NRXN3: variants seen among roughly 807,000 people sequenced by gnomAD.
NRXN3 encodes the protein neurexin 3, also known as neurexin III.
NRXN3 carries 32 observed loss-of-function variants against 137.6 expected under a neutral mutation model. The observed-to-expected ratio is 0.23, with a 90% confidence interval of 0.18 to 0.31. NRXN3 has a LOEUF of 0.31. NRXN3 is among the 10% of genes least tolerant of loss of function. The pLI, the probability that NRXN3 is intolerant of heterozygous loss-of-function variation, is 1.00. For missense variants in NRXN3, 1,574 were observed against 2,062.5 expected, an observed-to-expected ratio of 0.76 and a Z score of 4.59; for synonymous variants, 798 against 784.5, an observed-to-expected ratio of 1.02 and a Z score of -0.29.
chr14:79,693,068 G>C lies in NRXN3; in HGVS notation c.3706+806G>C, dbSNP rs539631456. ...ACAACAACCACTGTTAATAAAAGAG[G>C]GCAGCGGTTATAACTGATGTTAGAA... On this transcript the variant is annotated intron_variant, in intron 18 of 20. Transcript: ENST00000335750. 6.6e-5 allele frequency among the ~76,000 whole-genome samples: 10 copies of C among 152,092 alleles called. No homozygotes were observed. The East Asian group carries it at 1.9e-3, about 30-fold the overall frequency.
At chr14:78,273,389 T>G (rs1470868563) in intron 2 of NRXN3, among the ~76,000 whole-genome samples, 2 of 152,234 alleles carry the variant, frequency 1.3e-5, no homozygotes, top group Non-Finnish European at 2.9e-5. Context: ...CCTCAGTCAA[T>G]GTCAGCTGGT....
chr14:78,240,533 G>GCAGCT (rs1325614805), intron 1 of NRXN3, among the ~76,000 whole-genome samples: 2 of 152,198 alleles, frequency 1.3e-5, no homozygotes, highest in African/African-American at 4.8e-5. Flanking sequence ...GCAAGCAGTT[G>GCAGCT]CAGCTCTCCT....
At position 79,511,146 on chromosome 14, in the gene NRXN3, A is replaced by G. The variant is rs530682632; in HGVS notation, c.3444+43744A>G. Among the ~76,000 whole-genome samples, 154 of 152,354 alleles carry G rather than the reference A, an allele frequency of 1.0e-3. 1 individual carries two copies. The highest frequency in any genetic ancestry group is 1.9e-3 in the Non-Finnish European group (126 of 68,038). Reference sequence around the variant, plus strand: ...ACCCAGCTCTACTGCAGTAATAGCCATTGATCACTTTACCTCCCTTGGCAG... The same window carrying G: ...ACCCAGCTCTACTGCAGTAATAGCCGTTGATCACTTTACCTCCCTTGGCAG... On this transcript the variant is annotated intron_variant, in intron 16 of 20. Transcript: ENST00000335750.
At chr14:79,026,148 A>G (rs532953247) in intron 15 of NRXN3, among the ~76,000 whole-genome samples, 29 of 152,292 alleles carry the variant, frequency 1.9e-4, no homozygotes, top group African/African-American at 6.0e-4. Context: ...TCTTAAGTAA[A>G]TAAGCCTATA....
chr14:78,254,000 G>A (rs1244001351), intron 2 of NRXN3, among the ~76,000 whole-genome samples: 1 of 152,188 alleles, frequency 6.6e-6, no homozygotes, highest in Non-Finnish European at 1.5e-5. Context: ...AAGAAGATGG[G>A]TGGGTTGATT....
chr14:79,809,406 T>C (rs899525167), intron 20 of NRXN3, among the ~76,000 whole-genome samples: 1 of 152,196 alleles, frequency 6.6e-6, no homozygotes, highest in Non-Finnish European at 1.5e-5. Flanking sequence ...CCCAAAGTGC[T>C]GGGATTACAA....
chr14:79,674,288 A>G (rs1271499478), intron 17 of NRXN3, among the ~76,000 whole-genome samples: 1 of 151,866 alleles, frequency 6.6e-6, no homozygotes, highest in African/African-American at 2.4e-5. Flanking sequence ...TTATTGAGGG[A>G]TGATTGATAG....
chr14:79,748,418 A>T (rs1184548917), intron 19 of NRXN3, among the ~76,000 whole-genome samples: 1 of 152,096 alleles, frequency 6.6e-6, no homozygotes, highest in East Asian at 1.9e-4. Flanking sequence ...TTAACGGTTG[A>T]CATTGGAAGA....
At chr14:78,605,183 TCCC>T (rs1313128044) in intron 4 of NRXN3, among the ~76,000 whole-genome samples, 4 of 152,200 alleles carry the variant, frequency 2.6e-5, no homozygotes, top group African/African-American at 9.7e-5. Flanking sequence ...GTCATCATCT[TCCC>T]TCAGGCTCAA....
chr14:79,766,348 G>C (rs907833892), intron 19 of NRXN3, among the ~76,000 whole-genome samples: 1 of 152,110 alleles, frequency 6.6e-6, no homozygotes, highest in Non-Finnish European at 1.5e-5. Flanking sequence ...TGTGGCTAAC[G>C]ATTCATGCCA....
intron 8 of NRXN3, among the ~76,000 whole-genome samples, chr14:78,796,162 A>G (rs1325539445): frequency 2.6e-5 from 4 of 152,216 alleles, no homozygotes; most frequent in African/African-American, 4.8e-5. Flanking sequence ...TATAAGCTCT[A>G]TACCAATTGT....
intron 15 of NRXN3, among the ~76,000 whole-genome samples, chr14:79,187,425 G>A (rs1320326488): frequency 6.6e-6 from 1 of 152,134 alleles, no homozygotes; most frequent in East Asian, 1.9e-4. Context: ...AGAGATAGCA[G>A]TTATAGAAGA....
At chr14:79,327,946 G>C (rs116168309) in intron 15 of NRXN3, among the ~76,000 whole-genome samples, 278 of 152,148 alleles carry the variant, frequency 1.8e-3, no homozygotes, top group African/African-American at 6.3e-3. Context: ...GGTTTTTCTT[G>C]ATATCTTTCC....
chr14:78,213,583 T>G (rs74063995), intron 1 of NRXN3, among the ~76,000 whole-genome samples: 2,259 of 152,276 alleles, frequency 0.015, 70 homozygotes, highest in African/African-American at 0.052. Context: ...TGGATGGGAA[T>G]GGATTGGCAT....
rs552345736 is a variant in NRXN3 at position 79,631,382 on chromosome 14, G to A, written c.3445-32396G>A. 1.1e-4 allele frequency among the ~76,000 whole-genome samples: 17 copies of A among 152,372 alleles called. No homozygotes were observed. In the South Asian group the frequency reaches 1.4e-3, roughly 13 times the overall value. On this transcript the variant is annotated intron_variant, in intron 16 of 20. Coordinates refer to ENST00000335750, the MANE Select transcript of NRXN3 (RefSeq NM_001330195.2). Reference sequence around the variant, plus strand: ...CTGCGCTGGAAGAGCCCTTCAGTCCGCCGCGGCGCTGTGGGGGCCCCTCTC... The same window carrying A: ...CTGCGCTGGAAGAGCCCTTCAGTCCACCGCGGCGCTGTGGGGGCCCCTCTC...
chr14:78,875,514 G>A (rs532065324), intron 10 of NRXN3, among the ~76,000 whole-genome samples: 1 of 152,190 alleles, frequency 6.6e-6, no homozygotes, highest in East Asian at 1.9e-4. Flanking sequence ...TTTTCCATAG[G>A]CTGTTAGATG....
In NRXN3 at chr14:79,792,575, A is replaced by T. The variant is rs74064067; in HGVS notation, c.4015-12537A>T. On this transcript the variant is annotated intron_variant, in intron 19 of 20. Coordinates refer to ENST00000335750, the MANE Select transcript of NRXN3 (RefSeq NM_001330195.2). Reference sequence around the variant, plus strand: ...TAAATAAAGATGCTTAGATTTTTTTAAAAAAAGTCCCAGCAAATGACATAT... The same window carrying T: ...TAAATAAAGATGCTTAGATTTTTTTTAAAAAAGTCCCAGCAAATGACATAT... 5.9e-3 allele frequency among the ~76,000 whole-genome samples: 897 copies of T among 152,176 alleles called. 7 individuals are homozygous for T. Among genetic ancestry groups the T allele is most frequent in the African/African-American group, 0.017 (687 of 41,446 alleles).
chr14:79,635,472 G>A (rs1384946012), intron 16 of NRXN3, among the ~76,000 whole-genome samples: 1 of 152,178 alleles, frequency 6.6e-6, no homozygotes, highest in African/African-American at 2.4e-5. Flanking sequence ...TTGTAACAAA[G>A]TGTCACAAAC....
intron 15 of NRXN3, among the ~76,000 whole-genome samples, chr14:79,379,655 C>A (rs112415477): frequency 4.7e-4 from 71 of 152,150 alleles, no homozygotes; most frequent in Non-Finnish European, 9.4e-4. Context: ...CTGATGTCAG[C>A]TCTCACCATT....
Sources: allele counts gnomAD v4.1 joint callset (sites outside exome capture counted in the v4.1 genomes callset), GRCh38; gene constraint gnomAD v4.1.1; transcripts MANE v1.5; gene names NCBI Gene and HGNC (gene_info 2026-07-23, HGNC 2026-07-21).